The following SLC25A13 variants were observed in gnomAD, a reference collection of about 807,000 sequenced individuals.
SLC25A13 encodes the protein electrogenic aspartate/glutamate antiporter SLC25A13, mitochondrial.
Under a neutral mutation model 85.5 loss-of-function variants are expected in SLC25A13, and 70 were observed. The ratio of observed to expected loss-of-function variants is 0.82; its 90% CI spans 0.68 to 1.00. The LOEUF (loss-of-function observed/expected upper bound fraction) is 1.00. Among genes scored for constraint, SLC25A13 ranks in the 50% least tolerant of loss-of-function variants. The pLI is 0.00. For synonymous variants in SLC25A13, 259 were observed against 288.7 expected, an observed-to-expected ratio of 0.90 and a Z score of 1.04; for missense variants, 765 against 819.8, an observed-to-expected ratio of 0.93 and a Z score of 0.82.
intron 5 of SLC25A13, 73 bp from the exon 6 acceptor site, chr7:96,193,256 T>A (rs1562831875): frequency 6.4e-7 from 1 of 1,554,536 alleles, no homozygotes; most frequent in East Asian, 2.3e-5. Context: ...CAGTTCATTT[T>A]AAAATCAGAC....
chr7:96,321,013 G>C (rs1256704155), intron 1 of SLC25A13, among the ~76,000 whole-genome samples: 6 of 152,096 alleles, frequency 3.9e-5, no homozygotes, highest in Non-Finnish European at 7.4e-5. Context: ...TTGATTAGAG[G>C]GCTGCCTTCG....
intron 3 of SLC25A13, among the ~76,000 whole-genome samples, chr7:96,244,602 A>C (rs1797115172): frequency 6.6e-6 from 1 of 152,178 alleles, no homozygotes; most frequent in Non-Finnish European, 1.5e-5. Flanking sequence ...GATGCCTTTC[A>C]TTCTAAAATC....
At chr7:96,258,090 C>G (rs565755248) in intron 3 of SLC25A13, among the ~76,000 whole-genome samples, 3 of 152,030 alleles carry the variant, frequency 2.0e-5, no homozygotes, top group Non-Finnish European at 4.4e-5. Flanking sequence ...GAGCTATTTA[C>G]GACAAACGGA....
intron 11 of SLC25A13, among the ~76,000 whole-genome samples, chr7:96,182,629 T>A (rs1794462536): frequency 6.6e-6 from 1 of 152,134 alleles, no homozygotes; most frequent in Admixed American, 6.5e-5. Context: ...ATAGCCCACA[T>A]TAGCTCAGCA....
chr7:96,158,827 T>C (rs558848712), intron 13 of SLC25A13, among the ~76,000 whole-genome samples: 10 of 152,352 alleles, frequency 6.6e-5, no homozygotes, highest in African/African-American at 2.4e-4. Context: ...TGTTTGACAT[T>C]TGAATAAATT....
At chr7:96,132,624 T>G (rs1792082709) in intron 14 of SLC25A13, among the ~76,000 whole-genome samples, 1 of 152,182 alleles carries the variant, frequency 6.6e-6, no homozygotes, top group East Asian at 1.9e-4. Flanking sequence ...TGCCCAGAAA[T>G]ATGATATATT....
intron 13 of SLC25A13, among the ~76,000 whole-genome samples, chr7:96,146,909 G>A (rs185853763): frequency 6.6e-6 from 1 of 152,304 alleles, no homozygotes; most frequent in Non-Finnish European, 1.5e-5. Flanking sequence ...TTAATGTGGA[G>A]GCTGAAGGAG....
At chr7:96,142,169 T>C (rs1239917672) in intron 14 of SLC25A13, among the ~76,000 whole-genome samples, 4 of 152,212 alleles carry the variant, frequency 2.6e-5, no homozygotes, top group Non-Finnish European at 5.9e-5. Flanking sequence ...ACAGGTTTGT[T>C]ACAAGGATAT....
At chr7:96,180,821 A>G (rs1214173855) in intron 11 of SLC25A13, among the ~76,000 whole-genome samples, 1 of 152,258 alleles carries the variant, frequency 6.6e-6, no homozygotes, top group Non-Finnish European at 1.5e-5. Flanking sequence ...TTGTTCTTTA[A>G]TACGCCAGAT....
At chr7:96,279,572 A>C (rs112985611) in intron 2 of SLC25A13, among the ~76,000 whole-genome samples, 4,582 of 152,194 alleles carry the variant, frequency 0.03, 210 homozygotes, top group African/African-American at 0.1. Flanking sequence ...TACTACGAGA[A>C]CAGTATGAGG....
At chr7:96,205,725 A>G (rs1795433945) in intron 5 of SLC25A13, among the ~76,000 whole-genome samples, 1 of 152,204 alleles carries the variant, frequency 6.6e-6, no homozygotes, top group Admixed American at 6.5e-5. Context: ...AATAATATCA[A>G]ATTGATTCAC....
intron 3 of SLC25A13, among the ~76,000 whole-genome samples, chr7:96,247,564 AC>A (rs977613113): frequency 8.5e-5 from 13 of 152,186 alleles, no homozygotes; most frequent in African/African-American, 3.1e-4. Flanking sequence ...AGATTATTGT[AC>A]CCTCTTTAAT....
intron 4 of SLC25A13, among the ~76,000 whole-genome samples, chr7:96,224,059 T>C (rs748882418): frequency 9.2e-5 from 14 of 152,058 alleles, no homozygotes; most frequent in Non-Finnish European, 1.5e-4. Flanking sequence ...AAATAAGAAA[T>C]ACAGTAACAG....
At chr7:96,321,394 C>A (rs1424663026) in intron 1 of SLC25A13, among the ~76,000 whole-genome samples, 1 of 152,144 alleles carries the variant, frequency 6.6e-6, no homozygotes, top group Non-Finnish European at 1.5e-5. Flanking sequence ...AGTCCCTGGA[C>A]TTTTTATTCA....
Position 96,126,800 on chromosome 7 carries a change from C to T in SLC25A13, c.1592-4803G>A, listed in dbSNP as rs564052757. 3.3e-5 allele frequency among the ~76,000 whole-genome samples: 5 copies of T among 152,298 alleles called. No individual in the cohort carries two copies. The South Asian group carries it at 6.2e-4, about 19-fold the overall frequency. On this transcript the variant is annotated intron_variant, in intron 15 of 17. Coordinates refer to ENST00000265631, the MANE Select transcript of SLC25A13 (RefSeq NM_014251.3). ...TGACATTTTAAGGTATTTGGGAAGA[C>T]AGGAGAGATGGATGAATATGCTCAG... is the stretch of plus-strand genomic sequence containing the variant.
intron 4 of SLC25A13, chr7:96,219,545 T>C (rs112001974): frequency 2.7e-6 from 1 of 365,914 alleles, no homozygotes; most frequent in South Asian, 2.2e-5. Context: ...GCCTGTTTCC[T>C]CATCCATGAA....
At chr7:96,167,750 T>A (rs1793813877) in intron 13 of SLC25A13, among the ~76,000 whole-genome samples, 1 of 152,136 alleles carries the variant, frequency 6.6e-6, no homozygotes, top group African/African-American at 2.4e-5. Flanking sequence ...TGTGACTGAC[T>A]CCAATTATAG....
chr7:96,236,832 T>C (rs1422020998), intron 3 of SLC25A13, among the ~76,000 whole-genome samples: 1 of 152,208 alleles, frequency 6.6e-6, no homozygotes, highest in Non-Finnish European at 1.5e-5. Flanking sequence ...AGAAAACCAT[T>C]TGTTACAGTT....
At chr7:96,197,276 T>C (rs1584441934) in intron 5 of SLC25A13, among the ~76,000 whole-genome samples, 2 of 152,350 alleles carry the variant, frequency 1.3e-5, no homozygotes, top group South Asian at 4.1e-4. Context: ...TGCCTATTTT[T>C]GTGGAAAAAT....
Sources: gnomAD v4.1 joint callset for allele counts (sites outside exome capture counted in the v4.1 genomes callset) on GRCh38, gnomAD v4.1.1 for gene constraint, MANE v1.5 for transcripts, NCBI Gene and HGNC (gene_info 2026-07-23, HGNC 2026-07-21) for gene names.